ZNF790: variants seen among roughly 807,000 people sequenced by gnomAD.
ZNF790 encodes zinc finger protein 790.
Under a neutral mutation model 12.1 loss-of-function variants are expected in ZNF790, and 8 were observed. That is an observed-to-expected ratio of 0.66 (90% CI 0.39 to 1.19). ZNF790 has a LOEUF of 1.19. ZNF790 is among the 50% of genes most tolerant of loss of function. The pLI is 0.01. For synonymous variants in ZNF790, 252 were observed against 244.3 expected (o/e 1.03, Z -0.29); for missense variants, 707 against 752.2 (o/e 0.94, Z 0.70).
chr19:36,840,856 C>T (rs1358752633), upstream of ZNF790, among the ~76,000 whole-genome samples: 1 of 151,970 alleles, frequency 6.6e-6, no homozygotes, highest in Non-Finnish European at 1.5e-5. Flanking sequence ...GACATAAAAG[C>T]AAAAAGCAAC....
chr19:36,824,406 A>C (rs1195398338), intron 2 of ZNF790, among the ~76,000 whole-genome samples: 1 of 151,990 alleles, frequency 6.6e-6, no homozygotes, highest in African/African-American at 2.4e-5. Flanking sequence ...TCCCAGGTTC[A>C]AGTGATTCTT....
intron 1 of ZNF790, among the ~76,000 whole-genome samples, chr19:36,847,729 G>A (rs1405653412): frequency 2.1e-5 from 3 of 144,804 alleles, no homozygotes; most frequent in Non-Finnish European, 3.0e-5. Context: ...CAGCCTGGGC[G>A]ACAAAGAGAG....
chr19:36,820,181 A>C (rs1016109573), intron 4 of ZNF790, 67 bp from the exon 5 acceptor site: 2 of 1,471,806 alleles, frequency 1.4e-6, no homozygotes. Context: ...CTTCTAAAAT[A>C]GATATAGAAA....
chr19:36,821,351 G>A (rs2071667244), intron 4 of ZNF790, among the ~76,000 whole-genome samples: 1 of 151,972 alleles, frequency 6.6e-6, no homozygotes, highest in African/African-American at 2.4e-5. Context: ...TACTTTTTAG[G>A]TGATTGGAAA....
At chr19:36,842,353 T>C (rs1449459753), upstream of ZNF790, among the ~76,000 whole-genome samples, 1 of 152,024 alleles carries the variant, frequency 6.6e-6, no homozygotes, top group Non-Finnish European at 1.5e-5. Flanking sequence ...GGAAAAAATA[T>C]TATAAAATGT....
At chr19:36,834,710 C>G (rs1217635681) in intron 1 of ZNF790, among the ~76,000 whole-genome samples, 1 of 152,042 alleles carries the variant, frequency 6.6e-6, no homozygotes. Context: ...TTGGAATAAC[C>G]CAATAGAAAT....
chr19:36,842,665 CAA>C (rs531022010), upstream of ZNF790, among the ~76,000 whole-genome samples: 3 of 134,076 alleles, frequency 2.2e-5, no homozygotes. Context: ...AGATATAATA[CAA>C]AAAAAAAAAA....
chr19:36,835,338 ACAAAT>A (rs1312131351), intron 1 of ZNF790, among the ~76,000 whole-genome samples: 2 of 152,214 alleles, frequency 1.3e-5, no homozygotes, highest in Non-Finnish European at 2.9e-5. Context: ...TCAATCCAAG[ACAAAT>A]CAAGTGTAAG....
intron 2 of ZNF790, among the ~76,000 whole-genome samples, chr19:36,824,175 T>A (rs2071745190): frequency 6.6e-6 from 1 of 151,640 alleles, no homozygotes; most frequent in Non-Finnish European, 1.5e-5. Flanking sequence ...TTTTTGTATT[T>A]TTTAGTAGAG....
chr19:36,846,037 G>C (rs562429), intron 1 of ZNF790, among the ~76,000 whole-genome samples: 6,963 of 152,082 alleles, frequency 0.046, 523 homozygotes, highest in African/African-American at 0.16. Flanking sequence ...TCGAACTCCT[G>C]ACCTCAGGTG....
rs565400916 is a variant in ZNF790 at position 36,823,027 on chromosome 19, TTTTTTG to T, written c.229+252_229+257del. On this transcript the variant is annotated intron_variant, in intron 4 of 4. Transcript: ENST00000356725. ...GACATGCCTGGCTAATTTTTTGTAT[TTTTTTG>T]TTTTTGTTTTTGTTTTTGTTTTTTT... Among the ~76,000 whole-genome samples the T allele has an allele frequency of 2.6e-3, 393 of 151,974 alleles. 1 individual carries two copies. The highest frequency in any genetic ancestry group is 8.7e-3 in the African/African-American group (360 of 41,432).
intron 1 of ZNF790, 81 bp from the exon 2 acceptor site, chr19:36,825,773 A>C: frequency 1.2e-6 from 1 of 824,842 alleles, no homozygotes; most frequent in Non-Finnish European, 2.1e-6. Context: ...TCTTCCTTGG[A>C]GGTAAGTCAG....
intron 1 of ZNF790, among the ~76,000 whole-genome samples, chr19:36,826,010 G>A (rs1260882495): frequency 6.6e-6 from 1 of 152,154 alleles, no homozygotes; most frequent in East Asian, 1.9e-4. Flanking sequence ...CTGGAAATGG[G>A]TCACTTGCTC....
At chr19:36,835,033 A>G (rs1390357906) in intron 1 of ZNF790, among the ~76,000 whole-genome samples, 1 of 152,258 alleles carries the variant, frequency 6.6e-6, no homozygotes, top group Non-Finnish European at 1.5e-5. Flanking sequence ...CACACCTGTA[A>G]TCCCAGCACT....
At chr19:36,841,956 C>T (rs978875833), upstream of ZNF790, among the ~76,000 whole-genome samples, 1 of 152,078 alleles carries the variant, frequency 6.6e-6, no homozygotes, top group Non-Finnish European at 1.5e-5. Flanking sequence ...TGAAGCGCCC[C>T]TCCCGCCTCT....
intron 1 of ZNF790, among the ~76,000 whole-genome samples, chr19:36,832,047 G>A (rs1038444435): frequency 3.3e-5 from 5 of 152,168 alleles, no homozygotes; most frequent in African/African-American, 1.2e-4. Flanking sequence ...AAATGAGGGA[G>A]TCAAAACATT....
chr19:36,835,156 G>A (rs937510095), intron 1 of ZNF790, among the ~76,000 whole-genome samples: 30 of 152,176 alleles, frequency 2.0e-4, no homozygotes, highest in African/African-American at 7.2e-4. Flanking sequence ...GGGCATGTTG[G>A]CGCATGCCTG....
exon 1 of ZNF790, chr19:36,850,248 T>G (rs2072233398): frequency 6.6e-6 from 1 of 152,244 alleles, no homozygotes; most frequent in South Asian, 2.1e-4. Flanking sequence ...ACACTTTAGT[T>G]GGGCCCATCT....
intron 4 of ZNF790, among the ~76,000 whole-genome samples, chr19:36,820,438 A>G (rs938707110): frequency 6.6e-6 from 1 of 152,228 alleles, no homozygotes; most frequent in Non-Finnish European, 1.5e-5. Context: ...ACTATGATGA[A>G]TGTCTTATAT....
Sources: gnomAD v4.1 joint callset for allele counts (sites outside exome capture counted in the v4.1 genomes callset) on GRCh38, gnomAD v4.1.1 for gene constraint, MANE v1.5 for transcripts, NCBI Gene and HGNC (gene_info 2026-07-23, HGNC 2026-07-21) for gene names.